The following AGBL1 variants were observed in gnomAD, a reference collection of about 807,000 sequenced individuals.
AGBL1 encodes the protein AGBL carboxypeptidase 1, also known as cytosolic carboxypeptidase 4.
In AGBL1, 130 loss-of-function variants were observed where a neutral mutation model predicts 118.9. The observed-to-expected ratio is 1.09, with a 90% CI of 0.95 to 1.26. The LOEUF (loss-of-function observed/expected upper bound fraction) is 1.26. AGBL1 is among the 50% of genes most tolerant of loss of function. The pLI is 0.00. For synonymous variants in AGBL1, 555 were observed against 478.9 expected (o/e 1.16, Z -2.08); for missense variants, 1,584 against 1,298.1 (o/e 1.22, Z -3.38).
chr15:86,840,396 A>C (rs2079228299), intron 22 of AGBL1, among the ~76,000 whole-genome samples: 1 of 152,198 alleles, frequency 6.6e-6, no homozygotes, highest in Non-Finnish European at 1.5e-5. Flanking sequence ...AAGCTCCCAA[A>C]AGATGCAACC....
intron 18 of AGBL1, among the ~76,000 whole-genome samples, chr15:86,459,136 G>T (rs1481464846): frequency 6.6e-6 from 1 of 152,164 alleles, no homozygotes; most frequent in East Asian, 1.9e-4. Context: ...TGGAGCATGT[G>T]TATGTGCAGT....
At chr15:86,757,683 C>T (rs530226739) in intron 22 of AGBL1, among the ~76,000 whole-genome samples, 8 of 152,134 alleles carry the variant, frequency 5.3e-5, no homozygotes, top group East Asian at 1.9e-4. Flanking sequence ...TTCTCCATTC[C>T]GGAAAGTTGT....
intron 18 of AGBL1, among the ~76,000 whole-genome samples, chr15:86,409,670 C>T (rs886620981): frequency 2.0e-5 from 3 of 152,142 alleles, no homozygotes; most frequent in Non-Finnish European, 4.4e-5. Flanking sequence ...GCCAACTGTG[C>T]CTGTAGTTGA....
intron 24 of AGBL1, among the ~76,000 whole-genome samples, chr15:86,996,478 G>A (rs2081381437): frequency 6.6e-6 from 1 of 152,150 alleles, no homozygotes; most frequent in East Asian, 1.9e-4. Flanking sequence ...GTTCTTGCAT[G>A]TAGCCATGCT....
At chr15:86,591,870 G>A (rs181920049) in intron 21 of AGBL1, among the ~76,000 whole-genome samples, 150 of 152,180 alleles carry the variant, frequency 9.9e-4, no homozygotes, top group African/African-American at 1.6e-3. Flanking sequence ...TTGGTCTTTC[G>A]GGTGACCAGC....
chr15:86,338,600 T>C (rs1004865873), intron 17 of AGBL1, among the ~76,000 whole-genome samples: 1 of 151,920 alleles, frequency 6.6e-6, no homozygotes, highest in Non-Finnish European at 1.5e-5. Context: ...ACCACAAAGG[T>C]AGGGGGGTGG....
At chr15:86,541,169 A>G (rs1045488573) in intron 19 of AGBL1, among the ~76,000 whole-genome samples, 1 of 152,226 alleles carries the variant, frequency 6.6e-6, no homozygotes, top group African/African-American at 2.4e-5. Flanking sequence ...GTGATAGTAG[A>G]GGATTAAACC....
At chr15:86,363,116 C>G (rs2080831085) in intron 17 of AGBL1, among the ~76,000 whole-genome samples, 2 of 152,094 alleles carry the variant, frequency 1.3e-5, no homozygotes, top group South Asian at 4.2e-4. Context: ...GGGACAAAGG[C>G]CTGCTTTCTC....
chr15:86,952,228 CAAA>C (rs553982989), intron 23 of AGBL1, among the ~76,000 whole-genome samples: 2 of 133,104 alleles, frequency 1.5e-5, no homozygotes, highest in Non-Finnish European at 3.2e-5. Flanking sequence ...AACTCTGTCT[CAAA>C]AAAAAAAAAA....
At chr15:86,857,094 T>C (rs545950693) in intron 22 of AGBL1, among the ~76,000 whole-genome samples, 122 of 152,214 alleles carry the variant, frequency 8.0e-4, no homozygotes, top group Non-Finnish European at 1.0e-3. Flanking sequence ...ATTGTTTCTA[T>C]GACCAATTTC....
intron 22 of AGBL1, among the ~76,000 whole-genome samples, chr15:86,694,683 G>A (rs2142618524): frequency 6.6e-6 from 1 of 152,122 alleles, no homozygotes; most frequent in African/African-American, 2.4e-5. Flanking sequence ...AGTTCTCAAA[G>A]GGAACATGTT....
At chr15:86,876,659 C>G (rs1377490220) in intron 22 of AGBL1, among the ~76,000 whole-genome samples, 3 of 152,194 alleles carry the variant, frequency 2.0e-5, no homozygotes, top group Non-Finnish European at 4.4e-5. Context: ...TAGGCTCTGT[C>G]TTGCTATCAT....
At chr15:86,731,295 G>A (rs1190228086) in intron 22 of AGBL1, among the ~76,000 whole-genome samples, 1 of 152,038 alleles carries the variant, frequency 6.6e-6, no homozygotes, top group Non-Finnish European at 1.5e-5. Context: ...AAAGTCTCTC[G>A]AGACTAACTT....
chr15:86,146,682 C>T lies in AGBL1; in HGVS notation c.262+2837C>T, dbSNP rs1186801685. Among the ~76,000 whole-genome samples, 12 of 152,200 alleles carry T rather than the reference C, an allele frequency of 7.9e-5. No homozygotes were observed. The East Asian group carries it at 2.3e-3, about 29-fold the overall frequency. On this transcript the variant is annotated intron_variant, in intron 3 of 22. Transcript: ENST00000614907. The stretch of plus-strand genomic sequence containing the variant: ...TACTATTGTAGTGATTACATCACCA[C>T]AGTTTCTGCCATCAAGGGGTTATAG...
At chr15:86,717,393 C>T (rs1241416686) in intron 22 of AGBL1, among the ~76,000 whole-genome samples, 1 of 152,132 alleles carries the variant, frequency 6.6e-6, no homozygotes, top group Non-Finnish European at 1.5e-5. Flanking sequence ...GCTCTATAAA[C>T]AGATTGCTAG....
chr15:86,548,336 C>T (rs995111526), intron 20 of AGBL1, among the ~76,000 whole-genome samples: 2 of 152,118 alleles, frequency 1.3e-5, no homozygotes, highest in Non-Finnish European at 2.9e-5. Flanking sequence ...CACATCCACT[C>T]TGCAACATTT....
chr15:86,882,239 G>C lies in AGBL1; in HGVS notation c.3159-24848G>C, dbSNP rs370211741. Reference sequence around the variant, plus strand: ...ACTTTGTTTCCTAATCACTTCCTCAGAATTAAATAAGTGGGGTGGTATCCA... The same window carrying C: ...ACTTTGTTTCCTAATCACTTCCTCACAATTAAATAAGTGGGGTGGTATCCA... On this transcript the variant is annotated intron_variant, in intron 22 of 22. Transcript: ENST00000614907. Among the ~76,000 whole-genome samples the C allele has an allele frequency of 1.1e-4, 17 of 152,220 alleles. No homozygotes were observed. In the East Asian group the frequency reaches 3.3e-3, roughly 29 times the overall value.
intron 1 of AGBL1, among the ~76,000 whole-genome samples, chr15:86,091,819 T>A (rs997642097): frequency 1.4e-4 from 21 of 152,208 alleles, no homozygotes; most frequent in Non-Finnish European, 1.5e-5. Context: ...GTATCTGTAC[T>A]GGACACAATA....
At position 87,004,360 on chromosome 15, in the gene AGBL1, A is replaced by G. The variant is rs111295278; in HGVS notation, c.3323+16272A>G. On this transcript the variant is annotated intron_variant, in intron 24 of 24. Coordinates refer to the AGBL1 transcript ENST00000441037. The stretch of plus-strand genomic sequence containing the variant: ...CAGTCTCTAAGGACTTTCTTTATGA[A>G]TCTGCGTTCTCCTGTAGTGGGTGCA... 1.5e-3 allele frequency among the ~76,000 whole-genome samples: 229 copies of G among 152,254 alleles called. 1 individual carries two copies. Among genetic ancestry groups the G allele is most frequent in the African/African-American group, 5.3e-3 (220 of 41,548 alleles).
Sources: allele counts gnomAD v4.1 joint callset (sites outside exome capture counted in the v4.1 genomes callset), GRCh38; gene constraint gnomAD v4.1.1; transcripts MANE v1.5; gene names NCBI Gene and HGNC (gene_info 2026-07-23, HGNC 2026-07-21).